The following CD9 variants were observed in gnomAD, a reference collection of about 807,000 sequenced individuals.
CD9 encodes CD9 molecule.
CD9 carries 10 observed loss-of-function variants against 31.4 expected under a neutral mutation model. The observed-to-expected ratio is 0.32, with a 90% CI of 0.20 to 0.54. CD9 has a LOEUF of 0.54. Ranked by LOEUF, CD9 falls within the 20% of genes least tolerant of loss-of-function variation. The pLI, the probability that CD9 is intolerant of heterozygous loss-of-function variation, is 0.94. For missense variants in CD9, 259 were observed against 300.1 expected (o/e 0.86, Z 1.01); for synonymous variants, 113 against 114.1 (o/e 0.99, Z 0.06).
intron 2 of CD9, among the ~76,000 whole-genome samples, chr12:6,229,932 T>C (rs1807681787): frequency 6.6e-6 from 1 of 152,288 alleles, no homozygotes; most frequent in South Asian, 2.1e-4. Flanking sequence ...TGGATAACTT[T>C]TTCCATGAGT....
chr12:6,219,154 C>T (rs7964918), intron 1 of CD9, among the ~76,000 whole-genome samples: 70,513 of 151,632 alleles, frequency 0.47, 16,979 homozygotes, highest in Admixed American at 0.58. Context: ...TACAGGCACA[C>T]ACCACCACGC....
intron 5 of CD9, 45 bp from the exon 6 acceptor site, chr12:6,235,431 T>G (rs763478827): frequency 6.2e-7 from 1 of 1,613,494 alleles, no homozygotes; most frequent in South Asian, 1.1e-5. Flanking sequence ...AATCGTCTTC[T>G]TACAATTTGT....
intron 2 of CD9, among the ~76,000 whole-genome samples, chr12:6,228,417 T>C (rs1946396753): frequency 6.6e-6 from 1 of 151,906 alleles, no homozygotes; most frequent in South Asian, 2.1e-4. Context: ...CTGGGCGTAG[T>C]GGCGTGCACC....
chr12:6,200,459 A>T lies in CD9; in HGVS notation c.-41A>T, dbSNP rs1946062232. 2.8e-6 allele frequency: 4 copies of T among 1,449,282 alleles called. No individual in the cohort carries two copies. In the African/African-American group the frequency reaches 4.2e-5, roughly 15 times the overall value. The allele number at this position is 1,449,282 out of a possible 1,614,324, so 89.8% of individuals were successfully genotyped here. On this transcript the variant is annotated 5_prime_UTR_variant, in exon 1 of 8. Coordinates refer to ENST00000009180, the MANE Select transcript of CD9 (RefSeq NM_001769.4). ...CCAGTCCCAGCTGCGCGCGCCCCCC[A>T]GTCCCGCACCCGTTCGGCCCAGGCT...
intron 1 of CD9, among the ~76,000 whole-genome samples, chr12:6,212,304 C>G (rs1223538567): frequency 6.6e-6 from 1 of 152,200 alleles, no homozygotes; most frequent in Non-Finnish European, 1.5e-5. Context: ...AACTAGCTCT[C>G]AGGCTCTAAG....
rs768042447 is a variant in CD9, at chr12:6,225,470, C to G, written c.111C>G (p.Phe37Leu). ...AVLAIGLWLR[F>L]DSQTKSIFEQ... ...TTGCCATTGGACTATGGCTCCGATT[C>G]GACTCTCAGACCAAGAGCATCTTCG... Residue 37 changes from phenylalanine (F) to leucine (L), a missense_variant, in exon 2 of 8, where the codon TTC becomes TTG. By Grantham distance (22) the Phe-to-Leu change is conservative. Coordinates refer to ENST00000009180, the MANE Select transcript of CD9 (RefSeq NM_001769.4). 5.6e-6 allele frequency: 9 copies of G among 1,613,792 alleles called. No homozygotes were observed. The highest frequency in any genetic ancestry group is 7.6e-6 in the Non-Finnish European group (9 of 1,179,712).
chr12:6,222,809 TC>T (rs1203915907), intron 1 of CD9, among the ~76,000 whole-genome samples: 1 of 152,228 alleles, frequency 6.6e-6, no homozygotes, highest in Non-Finnish European at 1.5e-5. Flanking sequence ...GAGACGCAGC[TC>T]CTGCTCGTGA....
intron 1 of CD9, among the ~76,000 whole-genome samples, chr12:6,220,423 A>G (rs1946281628): frequency 6.6e-6 from 1 of 152,120 alleles, no homozygotes; most frequent in East Asian, 1.9e-4. Flanking sequence ...GGGTTGGGAG[A>G]GATGCAGTGA....
intron 5 of CD9, 25 bp downstream of exon 5, chr12:6,235,352 C>T (rs1422889490): frequency 3.7e-6 from 6 of 1,614,060 alleles, no homozygotes; most frequent in Non-Finnish European, 4.2e-6. Flanking sequence ...CAAAGACACC[C>T]TCCTGCGCTT....
intron 1 of CD9, among the ~76,000 whole-genome samples, chr12:6,210,977 C>T (rs746891321): frequency 6.6e-6 from 1 of 151,896 alleles, no homozygotes; most frequent in Non-Finnish European, 1.5e-5. Flanking sequence ...GCTGGGATTA[C>T]AGGCACGCAC....
At chr12:6,206,565 A>G (rs746393384) in intron 1 of CD9, among the ~76,000 whole-genome samples, 1 of 152,162 alleles carries the variant, frequency 6.6e-6, no homozygotes, top group Non-Finnish European at 1.5e-5. Flanking sequence ...ACTACAGATT[A>G]CTTGCCTGTT....
intron 1 of CD9, among the ~76,000 whole-genome samples, chr12:6,216,171 G>A (rs1591967891): frequency 6.6e-6 from 1 of 152,240 alleles, no homozygotes; most frequent in South Asian, 2.1e-4. Flanking sequence ...GGAGATGGGC[G>A]AGGCCCAGAG....
At chr12:6,237,463 A>G (rs528760681) in intron 7 of CD9, among the ~76,000 whole-genome samples, 1 of 152,240 alleles carries the variant, frequency 6.6e-6, no homozygotes, top group Non-Finnish European at 1.5e-5. Context: ...CTAGGACTAT[A>G]GGAAAACCTG....
intron 1 of CD9, among the ~76,000 whole-genome samples, chr12:6,216,306 G>A (rs1946242107): frequency 6.6e-6 from 1 of 152,212 alleles, no homozygotes; most frequent in African/African-American, 2.4e-5. Context: ...GAAAACTGCT[G>A]GTGTGGGAAA....
In CD9 at chr12:6,235,659, C is replaced by A. The variant is rs3181298; in HGVS notation, c.537+94C>A. ...TGACAGCAGCCAAGTGCTGCTTCAG[C>A]AAGACCCGTTCTGCCTGTGAAAGGG... On this transcript the variant is annotated intron_variant, in intron 6 of 7. Coordinates refer to ENST00000009180, the MANE Select transcript of CD9 (RefSeq NM_001769.4). 8,098 of 1,479,482 alleles carry A rather than the reference C, an allele frequency of 5.5e-3. 195 individuals are homozygous for A. In the African/African-American group the frequency reaches 0.058, roughly 11 times the overall value. 91.6% of individuals were successfully genotyped at this position (1,479,482 alleles called of 1,614,324 possible).
chr12:6,209,336 AGTGTGTAGT>A (rs1360258461), intron 1 of CD9, among the ~76,000 whole-genome samples: 1 of 152,160 alleles, frequency 6.6e-6, no homozygotes, highest in Non-Finnish European at 1.5e-5. Context: ...GGGCAGTTGC[AGTGTGTAGT>A]GTGCATGCAC....
At position 6,238,160 on chromosome 12, in the gene CD9, ATTT is replaced by A. The variant is rs1591984215; in HGVS notation, c.*337_*339del. The A allele has an allele frequency of 5.4e-6, 1 of 184,470 alleles. No homozygotes were observed. Among genetic ancestry groups the A allele is most frequent in the Non-Finnish European group, 1.1e-5 (1 of 87,874 alleles). The allele number at this position is 184,470 out of a possible 1,614,324, so 11.4% of individuals were successfully genotyped here. ...TAGACAAGATATTGTACATAAAAGA[ATTT>A]TTTTGTCTTTAAATAGATACAAATG... On this transcript the variant is annotated 3_prime_UTR_variant, in exon 8 of 8. Transcript: ENST00000009180.
In CD9 at chr12:6,200,588, C is replaced by T. The variant is rs369582474; in HGVS notation, c.66+23C>T. 119 of 1,575,200 alleles carry T rather than the reference C, an allele frequency of 7.6e-5. No individual in the cohort carries two copies. In the African/African-American group the frequency reaches 1.3e-3, roughly 17 times the overall value. ...TGGGTGAGTGAGCGCGACTGCCGCG[C>T]GCTCCTCTCAGGGCCCACCTGTTCG... On this transcript the variant is annotated intron_variant, in intron 1 of 7. Coordinates refer to ENST00000009180, the MANE Select transcript of CD9 (RefSeq NM_001769.4).
At chr12:6,219,977 A>T (rs17196051) in intron 1 of CD9, among the ~76,000 whole-genome samples, 3,056 of 152,302 alleles carry the variant, frequency 0.02, 267 homozygotes, top group Admixed American at 0.15. Flanking sequence ...CAAAGCATGG[A>T]TGGGGCAAAG....
Sources: allele counts gnomAD v4.1 joint callset (sites outside exome capture counted in the v4.1 genomes callset), GRCh38; gene constraint gnomAD v4.1.1; transcripts MANE v1.5; gene names NCBI Gene and HGNC (gene_info 2026-07-23, HGNC 2026-07-21).